Variants in ZNF14 observed in about 807,000 individuals in gnomAD.
ZNF14 encodes gonadotropin inducible transcription repressor-4.
Under a neutral mutation model 11.3 loss-of-function variants are expected in ZNF14, and 9 were observed. The observed-to-expected ratio is 0.80, with a 90% CI of 0.48 to 1.39. The LOEUF (loss-of-function observed/expected upper bound fraction) is 1.39. Among genes scored for constraint, ZNF14 ranks in the 40% most tolerant of loss-of-function variants. The pLI is 0.00. For synonymous variants in ZNF14, 239 were observed against 245.7 expected (o/e 0.97, Z 0.25); for missense variants, 711 against 763.9 (o/e 0.93, Z 0.82).
In ZNF14 at chr19:19,711,861, G is replaced by C. The variant is rs145936162; in HGVS notation, c.1420C>G (p.Pro474Ala). 1 of 1,613,888 alleles carries C rather than the reference G, an allele frequency of 6.2e-7. No homozygotes were observed. The highest frequency in any genetic ancestry group is 8.5e-7 in the Non-Finnish European group (1 of 1,179,972). ...IHERSHTGEK[P>A]YECKQCGKVF... is the part of the protein sequence containing the mutation. ...TTTCCACACTGTTTACATTCATAGG[G>C]TTTCTCTCCAGTGTGTGACCTTTCA... Residue 474 changes from proline to alanine, a missense_variant, in exon 4 of 4, where the codon CCC becomes GCC. By Grantham distance (27) the Pro-to-Ala change is conservative (BLOSUM62 -1). Transcript: ENST00000344099.
intron 1 of ZNF14, among the ~76,000 whole-genome samples, chr19:19,717,323 T>C (rs146366445): frequency 5.9e-5 from 9 of 152,262 alleles, no homozygotes; most frequent in African/African-American, 1.4e-4. Context: ...AAGAGGCCCA[T>C]TGGTCGGTAT....
chr19:19,712,124 G>GTA lies in ZNF14; in HGVS notation c.1155_1156dup (p.Thr386IlefsTer321). 6.2e-7 allele frequency: 1 copy of GTA among 1,613,936 alleles called. No homozygotes were observed. The highest frequency in any genetic ancestry group is 8.5e-7 in the Non-Finnish European group (1 of 1,180,010). ...TTTACACTCATAAGGTTTCTCTCCA[G>GTA]TATGAGTTCTTTCATGCAATCGAAG... On this transcript the variant is annotated frameshift_variant, in exon 4 of 4. Coordinates refer to ENST00000344099, the MANE Select transcript of ZNF14 (RefSeq NM_021030.3). LOFTEE classifies it low-confidence loss of function (END_TRUNC).
chr19:19,717,602 A>G (rs1363517794), intron 1 of ZNF14, among the ~76,000 whole-genome samples: 1 of 152,222 alleles, frequency 6.6e-6, no homozygotes, highest in Non-Finnish European at 1.5e-5. Flanking sequence ...GGATCTCCTA[A>G]GAGTGCTGCT....
rs867573331 is a variant in ZNF14 at position 19,711,833 on chromosome 19, A to G, written c.1448T>C (p.Val483Ala). 4.4e-6 allele frequency: 7 copies of G among 1,602,974 alleles called. No individual in the cohort carries two copies. Among genetic ancestry groups the G allele is most frequent in the Non-Finnish European group, 6.0e-6 (7 of 1,175,906 alleles). ...TCGAAAGGAACTGGAACGAATGAAAACTTTTCCACACTGTTTACATTCATA... is the reference window on the plus strand; with the variant it reads ...TCGAAAGGAACTGGAACGAATGAAAGCTTTTCCACACTGTTTACATTCATA... ...KPYECKQCGK[V>A]FIRSSSFRLH... The change falls in exon 4 of 4, where the codon GTT becomes GCT. Residue 483 changes from valine to alanine, a missense_variant. Val to Ala is a moderately conservative substitution (Grantham distance 64, BLOSUM62 0). Coordinates refer to ENST00000344099, the MANE Select transcript of ZNF14 (RefSeq NM_021030.3).
rs562399285 is a variant in ZNF14, at chr19:19,731,685, C to T, written c.3+1271G>A. Among the ~76,000 whole-genome samples, 3 of 152,268 alleles carry T rather than the reference C, an allele frequency of 2.0e-5. No homozygotes were observed. The South Asian group carries it at 6.2e-4, about 32-fold the overall frequency. The stretch of plus-strand genomic sequence containing the variant: ...AACACACTGACCTATTACAACCACA[C>T]GAGGAAAGAAAAAATCACAACATAC... On this transcript the variant is annotated intron_variant, in intron 1 of 3. Coordinates refer to ENST00000344099, the MANE Select transcript of ZNF14 (RefSeq NM_021030.3).
chr19:19,711,541 A>G lies in ZNF14; in HGVS notation c.1740T>C (p.Thr580=). The G allele has an allele frequency of 6.2e-7, 1 of 1,613,176 alleles. No homozygotes were observed. The highest frequency in any genetic ancestry group is 8.5e-7 in the Non-Finnish European group (1 of 1,179,738). The change falls in exon 4 of 4, where the codon ACT becomes ACC. Residue 580 remains threonine, a synonymous_variant. Coordinates refer to ENST00000344099, the MANE Select transcript of ZNF14 (RefSeq NM_021030.3). Reference sequence around the variant, plus strand: ...ATCGATAGGGTTTCTCTCCCGTGTGAGTTCTCTCATGCATTCGAAATTTAC... The same window carrying G: ...ATCGATAGGGTTTCTCTCCCGTGTGGGTTCTCTCATGCATTCGAAATTTAC... ...SSSKFRMHER[T]HTGEKPYRCK...
rs2062358307 is a variant in ZNF14 at position 19,711,186 on chromosome 19, A to G, written c.*166T>C. The stretch of plus-strand genomic sequence containing the variant: ...AGGCTTAATCACAATGTTTACATTC[A>G]TACTGTTTCTCACCAGTGGGAATTC... On this transcript the variant is annotated 3_prime_UTR_variant, in exon 4 of 4. Transcript: ENST00000344099. 1.5e-6 allele frequency: 1 copy of G among 669,248 alleles called. No individual in the cohort carries two copies. Among genetic ancestry groups the G allele is most frequent in the African/African-American group, 1.8e-5 (1 of 54,976 alleles). The allele number at this position is 669,248 out of a possible 1,614,324, so 41.5% of individuals were successfully genotyped here.
chr19:19,729,037 C>T (rs1288200326), intron 1 of ZNF14, among the ~76,000 whole-genome samples: 3 of 152,258 alleles, frequency 2.0e-5, no homozygotes, highest in East Asian at 1.9e-4. Context: ...AGTACAGTGG[C>T]GTGATCTCAG....
At position 19,711,973 on chromosome 19, in the gene ZNF14, T is replaced by A; in HGVS notation, c.1308A>T (p.Arg436Ser). Residue 436 changes from arginine (R) to serine (S), a missense_variant, in exon 4 of 4, where the codon AGA becomes AGT. Transcript: ENST00000344099. ...TCTCTGCATTGTGAGTCCTTTCATG[T>A]CTTTGAAGGGAACTTGAAAAACTGA... is the stretch of plus-strand genomic sequence containing the variant. ...KTFSFSSSLQ[R>S]HERTHNAEKP... is the part of the protein sequence containing the mutation. 6.2e-7 allele frequency: 1 copy of A among 1,613,736 alleles called. No homozygotes were observed. The highest frequency in any genetic ancestry group is 8.5e-7 in the Non-Finnish European group (1 of 1,179,908).
intron 3 of ZNF14, 91 bp from the exon 4 acceptor site, chr19:19,713,180 A>G (rs2062367433): frequency 1.6e-6 from 2 of 1,247,476 alleles, no homozygotes; most frequent in Non-Finnish European, 2.2e-6. Flanking sequence ...CCATTTTCAG[A>G]AAAAGTATAG....
At chr19:19,714,573 C>T (rs2062372282) in intron 1 of ZNF14, 86 bp from the exon 2 acceptor site, 4 of 1,481,804 alleles carry the variant, frequency 2.7e-6, no homozygotes, top group Admixed American at 4.5e-5. Context: ...AGTTCCCATA[C>T]AATTCTGTGT....
At position 19,731,584 on chromosome 19, in the gene ZNF14, G is replaced by GA. The variant is rs986944309; in HGVS notation, c.3+1371dup. On this transcript the variant is annotated intron_variant, in intron 1 of 3. Coordinates refer to ENST00000344099, the MANE Select transcript of ZNF14 (RefSeq NM_021030.3). ...GAGTGAGATTCCATCTCAAAAAAAA[G>GA]AAAAAAAACAACAACAAAACTACCC... Among the ~76,000 whole-genome samples the GA allele has an allele frequency of 1.3e-4, 19 of 150,156 alleles. No homozygotes were observed. In the East Asian group the frequency reaches 2.2e-3, roughly 17 times the overall value.
chr19:19,732,532 C>G (rs2062427035), intron 1 of ZNF14, among the ~76,000 whole-genome samples: 1 of 152,228 alleles, frequency 6.6e-6, no homozygotes, highest in Admixed American at 6.5e-5. Context: ...AGGAACCTGA[C>G]CCCGGCAGCA....
At chr19:19,713,136 G>A in intron 3 of ZNF14, 47 bp from the exon 4 acceptor site, 1 of 1,469,836 alleles carries the variant, frequency 6.8e-7, no homozygotes, top group South Asian at 1.4e-5. Context: ...TAATTATTTT[G>A]TATTTATTAG....
At chr19:19,722,661 G>A (rs1283434932) in intron 1 of ZNF14, among the ~76,000 whole-genome samples, 4 of 152,074 alleles carry the variant, frequency 2.6e-5, no homozygotes, top group Non-Finnish European at 5.9e-5. Context: ...AATTACCTTC[G>A]GCAGTATGGC....
At chr19:19,725,665 A>G (rs2062404546) in intron 1 of ZNF14, among the ~76,000 whole-genome samples, 1 of 134,596 alleles carries the variant, frequency 7.4e-6, no homozygotes. Context: ...AATATCCTGA[A>G]GAGTGTTTTC....
chr19:19,723,793 C>T (rs1434388998), intron 1 of ZNF14, among the ~76,000 whole-genome samples: 1 of 133,348 alleles, frequency 7.5e-6, no homozygotes, highest in Non-Finnish European at 1.7e-5. Flanking sequence ...GATTCAACTT[C>T]TTCCTGGTTT....
intron 2 of ZNF14, 35 bp from the exon 3 acceptor site, chr19:19,714,186 A>T (rs1599468094): frequency 3.1e-6 from 5 of 1,602,514 alleles, no homozygotes; most frequent in African/African-American, 1.3e-5. Context: ...ATTAAAAATT[A>T]TTAGAAATTA....
chr19:19,712,034 T>C lies in ZNF14; in HGVS notation c.1247A>G (p.Glu416Gly), dbSNP rs922372510. The change falls in exon 4 of 4, where the codon GAG becomes GGG. Residue 416 changes from glutamate to glycine, a missense_variant. Coordinates refer to ENST00000344099, the MANE Select transcript of ZNF14 (RefSeq NM_021030.3). ...ACATTGTTTACATTCATAGGGTTTC[T>C]CTCCAGTGTGAGTTGTTTCGTGTTC... ...LREHETTHTG[E>G]KPYECKQCGK... The C allele has an allele frequency of 6.2e-7, 1 of 1,614,060 alleles. No homozygotes were observed. Among genetic ancestry groups the C allele is most frequent in the East Asian group, 2.2e-5 (1 of 44,878 alleles).
Sources: allele counts gnomAD v4.1 joint callset (sites outside exome capture counted in the v4.1 genomes callset), GRCh38; gene constraint gnomAD v4.1.1; transcripts MANE v1.5; gene names NCBI Gene and HGNC (gene_info 2026-07-23, HGNC 2026-07-21).